Variants in RORA observed in about 807,000 individuals in gnomAD.
RORA encodes the protein RAR related orphan receptor A.
Under a neutral mutation model 69.5 loss-of-function variants are expected in RORA, and 7 were observed. That is an observed-to-expected ratio of 0.10 (90% CI 0.06 to 0.19). The LOEUF (loss-of-function observed/expected upper bound fraction) is 0.19, where lower values mean the gene tolerates loss of function less well. Ranked by LOEUF, RORA falls within the 10% of genes least tolerant of loss-of-function variation. RORA has a pLI of 1.00. For synonymous variants in RORA, 261 were observed against 240.8 expected (o/e 1.08, Z -0.78); for missense variants, 457 against 663.0 (o/e 0.69, Z 3.41).
intron 1 of RORA, among the ~76,000 whole-genome samples, chr15:60,992,773 TA>T (rs1273018598): frequency 3.9e-5 from 6 of 152,332 alleles, no homozygotes; most frequent in African/African-American, 1.4e-4. Flanking sequence ...AGACATTAAG[TA>T]AGTCAAAAGT....
chr15:60,501,724 C>G (rs1055757998), intron 8 of RORA, among the ~76,000 whole-genome samples: 6 of 152,074 alleles, frequency 3.9e-5, no homozygotes, highest in Admixed American at 3.3e-4. Context: ...AACTATTTAC[C>G]AACCTGAAAA....
chr15:60,605,375 C>T (rs2068920797), intron 2 of RORA, among the ~76,000 whole-genome samples: 2 of 152,086 alleles, frequency 1.3e-5, no homozygotes, highest in African/African-American at 4.8e-5. Flanking sequence ...GTCTGAAATG[C>T]TTTCTTACCA....
intron 2 of RORA, chr15:60,592,574 CG>C: frequency 8.1e-7 from 1 of 1,227,620 alleles, no homozygotes; most frequent in South Asian, 3.1e-5. Context: ...TCCATGTGAC[CG>C]GCTGACATCA....
At chr15:60,789,123 A>AT (rs1429139852) in intron 1 of RORA, among the ~76,000 whole-genome samples, 1 of 152,166 alleles carries the variant, frequency 6.6e-6, no homozygotes, top group Admixed American at 6.5e-5. Flanking sequence ...TAGAAGAGTG[A>AT]TTTTTCCTTG....
intron 1 of RORA, among the ~76,000 whole-genome samples, chr15:60,826,806 A>T (rs929071516): frequency 6.7e-6 from 1 of 149,144 alleles, no homozygotes; most frequent in Non-Finnish European, 1.5e-5. Context: ...TTTTAAAGAC[A>T]CACCTGTTCT....
intron 1 of RORA, among the ~76,000 whole-genome samples, chr15:61,014,850 G>A (rs1317652527): frequency 3.3e-5 from 5 of 152,198 alleles, no homozygotes; most frequent in African/African-American, 1.2e-4. Context: ...TAGGGAACCT[G>A]CGACTTTCCT....
At chr15:61,010,884 G>A (rs764806791) in intron 1 of RORA, among the ~76,000 whole-genome samples, 2 of 152,108 alleles carry the variant, frequency 1.3e-5, no homozygotes, top group Non-Finnish European at 2.9e-5. Flanking sequence ...ACATCAATGA[G>A]CCTGGTTCCT....
intron 1 of RORA, among the ~76,000 whole-genome samples, chr15:61,043,022 G>C (rs1896857756): frequency 6.6e-6 from 1 of 152,208 alleles, no homozygotes; most frequent in African/African-American, 2.4e-5. Flanking sequence ...ACAGCAGGCT[G>C]AGAGTGATGG....
At chr15:61,059,953 GAAGAA>G (rs2078151865) in intron 1 of RORA, among the ~76,000 whole-genome samples, 1 of 138,056 alleles carries the variant, frequency 7.2e-6, no homozygotes, top group African/African-American at 2.7e-5. Flanking sequence ...AGAAGAAGAA[GAAGAA>G]GAAGAGGAAG....
intron 1 of RORA, among the ~76,000 whole-genome samples, chr15:61,049,673 T>C (rs1467507488): frequency 6.6e-6 from 1 of 152,154 alleles, no homozygotes; most frequent in Non-Finnish European, 1.5e-5. Context: ...TCTTTTTTTC[T>C]TTCTGAGATG....
intron 2 of RORA, among the ~76,000 whole-genome samples, chr15:60,675,701 A>AT (rs935322528): frequency 5.3e-5 from 8 of 152,074 alleles, no homozygotes; most frequent in Non-Finnish European, 8.8e-5. Context: ...CAAAACATTT[A>AT]TTTTTTTTAA....
chr15:60,646,882 T>A lies in RORA; in HGVS notation c.196+31775A>T, dbSNP rs1197758069. Among the ~76,000 whole-genome samples the A allele has an allele frequency of 2.0e-5, 3 of 152,174 alleles. No individual in the cohort carries two copies. The South Asian group carries it at 6.2e-4, about 32-fold the overall frequency. On this transcript the variant is annotated intron_variant, in intron 2 of 10. Transcript: ENST00000335670. ...CCTCACCCAGTGATAATGACCGGCT[T>A]CACAGGGTGGCTGCGGAGCTTAATT...
chr15:60,946,247 T>TCCCTCG (rs1318186365), intron 1 of RORA, among the ~76,000 whole-genome samples: 1 of 151,852 alleles, frequency 6.6e-6, no homozygotes, highest in African/African-American at 2.4e-5. Flanking sequence ...CCTCTCCCTC[T>TCCCTCG]CCCTCTCTCT....
intron 1 of RORA, among the ~76,000 whole-genome samples, chr15:60,727,633 A>T (rs1238163445): frequency 6.6e-6 from 1 of 152,120 alleles, no homozygotes. Flanking sequence ...AACTGGGACC[A>T]GTGCACGAAG....
chr15:60,526,728 G>A (rs1406768812), intron 3 of RORA, among the ~76,000 whole-genome samples: 1 of 152,138 alleles, frequency 6.6e-6, no homozygotes, highest in African/African-American at 2.4e-5. Context: ...AAATAAAAAT[G>A]AGCATGAATG....
At position 60,850,447 on chromosome 15, in the gene RORA, T is replaced by G. The variant is rs547892115; in HGVS notation, c.167-171761A>C. The stretch of plus-strand genomic sequence containing the variant: ...ACCCGATTCAAATCCTGACTCCACA[T>G]GACTCCTGGGGAGGTTACTTGACCT... On this transcript the variant is annotated intron_variant, in intron 1 of 10. Transcript: ENST00000335670. Among the ~76,000 whole-genome samples, 9 of 152,312 alleles carry G rather than the reference T, an allele frequency of 5.9e-5. 3 individuals are homozygous for G. Among genetic ancestry groups the G allele is most frequent in the African/African-American group, 2.2e-4 (9 of 41,572 alleles).
intron 1 of RORA, among the ~76,000 whole-genome samples, chr15:60,928,299 T>C (rs547495974): frequency 5.3e-5 from 8 of 152,354 alleles, no homozygotes; most frequent in East Asian, 1.9e-4. Flanking sequence ...TGTTCCTTTA[T>C]TGTCAAGTAA....
chr15:61,054,331 T>A (rs769657936), intron 1 of RORA, among the ~76,000 whole-genome samples: 58 of 138,374 alleles, frequency 4.2e-4, no homozygotes, highest in Middle Eastern at 4.0e-3. Context: ...AAAAAAAAAA[T>A]GTTCTCCCAT....
At chr15:60,729,613 AT>A (rs903669035) in intron 1 of RORA, among the ~76,000 whole-genome samples, 2 of 152,190 alleles carry the variant, frequency 1.3e-5, no homozygotes, top group Admixed American at 1.3e-4. Context: ...ATGAGAGGGA[AT>A]TTTAGTGAGG....
Sources: gnomAD v4.1 joint callset for allele counts (sites outside exome capture counted in the v4.1 genomes callset) on GRCh38, gnomAD v4.1.1 for gene constraint, MANE v1.5 for transcripts, NCBI Gene and HGNC (gene_info 2026-07-23, HGNC 2026-07-21) for gene names.